The following KLRG1 variants were observed in gnomAD, a reference collection of about 807,000 sequenced individuals.
KLRG1 encodes killer cell lectin like receptor G1, also known as killer cell lectin-like receptor subfamily G member 1.
Under a neutral mutation model 21.8 loss-of-function variants are expected in KLRG1, and 16 were observed. The observed-to-expected ratio is 0.73, with a 90% CI of 0.50 to 1.11. The LOEUF (loss-of-function observed/expected upper bound fraction) is 1.11. Among genes scored for constraint, KLRG1 ranks in the 50% most tolerant of loss-of-function variants. KLRG1 has a pLI of 0.00. For missense variants in KLRG1, 173 were observed against 218.3 expected (o/e 0.79, Z 1.31); for synonymous variants, 69 against 75.9 (o/e 0.91, Z 0.47).
At chr12:8,970,322 C>G (rs1353497501) in intron 1 of KLRG1, 2 of 152,188 alleles carry the variant, frequency 1.3e-5, no homozygotes, top group African/African-American at 4.8e-5. Flanking sequence ...CCAGAAAAGC[C>G]TGAAATATTT....
the KLRG1 span, among the ~76,000 whole-genome samples, chr12:9,208,949 C>G: frequency 6.6e-6 from 1 of 152,180 alleles, no homozygotes; most frequent in African/African-American, 2.4e-5. Flanking sequence ...GTCTATTTCA[C>G]AGCATTGACC....
At chr12:8,985,637 G>A (rs1002935285), upstream of KLRG1, among the ~76,000 whole-genome samples, 2 of 152,086 alleles carry the variant, frequency 1.3e-5, no homozygotes, top group African/African-American at 4.8e-5. Flanking sequence ...CAGAACTCAG[G>A]GAAACCCTTA....
At chr12:9,138,641 G>T in the KLRG1 span, among the ~76,000 whole-genome samples, 2 of 151,984 alleles carry the variant, frequency 1.3e-5, no homozygotes, top group South Asian at 2.1e-4. Context: ...GTTTTTATTT[G>T]TTAGAAGGAT....
chr12:9,149,624 A>G, the KLRG1 span: 8 of 1,611,228 alleles, frequency 5.0e-6, no homozygotes, highest in Non-Finnish European at 6.8e-6. Context: ...CGTTGGGTGA[A>G]GGAAGAAACG....
chr12:9,136,503 A>G, the KLRG1 span, among the ~76,000 whole-genome samples: 1 of 152,168 alleles, frequency 6.6e-6, no homozygotes, highest in Non-Finnish European at 1.5e-5. Context: ...AAAAAAGGCA[A>G]TATTCCATTG....
the KLRG1 span, among the ~76,000 whole-genome samples, chr12:9,203,588 G>A: frequency 1.3e-5 from 2 of 152,130 alleles, no homozygotes; most frequent in East Asian, 1.9e-4. Flanking sequence ...TGATCTGCCC[G>A]CCTTGGCTTC....
At chr12:9,123,964 C>G in the KLRG1 span, among the ~76,000 whole-genome samples, 2 of 147,760 alleles carry the variant, frequency 1.4e-5, no homozygotes, top group African/African-American at 5.3e-5. Flanking sequence ...GCCCTTAACC[C>G]ATTTCCTATT....
chr12:9,093,581 T>G, the KLRG1 span: 6 of 1,131,950 alleles, frequency 5.3e-6, no homozygotes, highest in Non-Finnish European at 7.3e-6. Flanking sequence ...CATCTGACTC[T>G]ATGGTGAGTG....
chr12:9,077,531 T>C, the KLRG1 span: 4 of 1,459,078 alleles, frequency 2.7e-6, no homozygotes, highest in East Asian at 7.3e-5. Flanking sequence ...TCCATCCCTA[T>C]AGGGCAAAGT....
chr12:9,203,318 T>C, the KLRG1 span, among the ~76,000 whole-genome samples: 310 of 151,194 alleles, frequency 2.1e-3, 2 homozygotes, highest in African/African-American at 7.2e-3. Flanking sequence ...TAGTCCTTTC[T>C]GAAGTCCTAA....
the KLRG1 span, among the ~76,000 whole-genome samples, chr12:9,150,366 T>A: frequency 6.6e-6 from 1 of 152,162 alleles, no homozygotes; most frequent in Non-Finnish European, 1.5e-5. Context: ...CACTGCAACC[T>A]CTGCCTCCCA....
chr12:9,086,211 T>C, the KLRG1 span, among the ~76,000 whole-genome samples: 1 of 152,212 alleles, frequency 6.6e-6, no homozygotes, highest in East Asian at 1.9e-4. Context: ...CAGACCAATA[T>C]TCTTGATGAA....
the KLRG1 span, chr12:9,202,243 T>C: frequency 7.6e-7 from 1 of 1,320,932 alleles, no homozygotes. Context: ...CTCGCTTTTC[T>C]TGTACCTTTC....
At chr12:9,025,647 C>CA in the KLRG1 span, among the ~76,000 whole-genome samples, 3 of 152,112 alleles carry the variant, frequency 2.0e-5, no homozygotes, top group African/African-American at 7.2e-5. Flanking sequence ...AAAAAAAACC[C>CA]AAAAAATATG....
At chr12:9,126,077 T>TAATTACAATTTTAC in the KLRG1 span, among the ~76,000 whole-genome samples, 1 of 152,206 alleles carries the variant, frequency 6.6e-6, no homozygotes, top group African/African-American at 2.4e-5. Flanking sequence ...CTCAAATTTA[T>TAATTACAATTTTAC]AATTACAATA....
the KLRG1 span, chr12:9,167,399 G>T: frequency 1.3e-5 from 2 of 152,116 alleles, no homozygotes; most frequent in South Asian, 4.1e-4. Flanking sequence ...TCAGACCCAA[G>T]ACCCTGGTGG....
chr12:9,039,141 A>G, the KLRG1 span, among the ~76,000 whole-genome samples: 1 of 152,246 alleles, frequency 6.6e-6, no homozygotes, highest in Non-Finnish European at 1.5e-5. Context: ...GGTCATATGT[A>G]TAAAGTAGAC....
the KLRG1 span, among the ~76,000 whole-genome samples, chr12:9,129,840 G>A: frequency 1.3e-5 from 2 of 152,176 alleles, no homozygotes; most frequent in African/African-American, 2.4e-5. Context: ...GAGCCACCGC[G>A]CCTGGTGAAC....
chr12:9,089,402 G>T, the KLRG1 span, among the ~76,000 whole-genome samples: 1 of 152,190 alleles, frequency 6.6e-6, no homozygotes, highest in Non-Finnish European at 1.5e-5. Flanking sequence ...ATATACGTAG[G>T]AGGTAGTTCG....
Sources: allele counts gnomAD v4.1 joint callset (sites outside exome capture counted in the v4.1 genomes callset), GRCh38; gene constraint gnomAD v4.1.1; transcripts MANE v1.5; gene names NCBI Gene and HGNC (gene_info 2026-07-23, HGNC 2026-07-21).